Variants in ADGRB3 observed in about 807,000 individuals in gnomAD.
The protein encoded by ADGRB3 is brain-specific angiogenesis inhibitor 3.
Under a neutral mutation model 193.4 loss-of-function variants are expected in ADGRB3, and 37 were observed. That is an observed-to-expected ratio of 0.19 (90% CI 0.15 to 0.25). The LOEUF is 0.25. Ranked by LOEUF, ADGRB3 falls within the 10% of genes least tolerant of loss-of-function variation. The probability of loss-of-function intolerance (pLI) is 1.00; values close to 1 mark genes in which losing one functional copy is unlikely to be tolerated. For synonymous variants in ADGRB3, 690 were observed against 644.2 expected (o/e 1.07, Z -1.08); for missense variants, 1,637 against 1,852.9 (o/e 0.88, Z 2.14).
Position 69,039,290 on chromosome 6 carries a change from A to G in ADGRB3, c.2108-8895A>G, listed in dbSNP as rs1009449107. Among the ~76,000 whole-genome samples the G allele has an allele frequency of 3.3e-5, 5 of 152,060 alleles. No homozygotes were observed. In the East Asian group the frequency reaches 9.6e-4, roughly 29 times the overall value. On this transcript the variant is annotated intron_variant, in intron 13 of 31. Transcript: ENST00000370598. ...ACATATGTTTAGTTTGCTAAGATCT[A>G]TGATAAGAATGAATCTTTTATCCTT... is the stretch of plus-strand genomic sequence containing the variant.
At chr6:69,297,893 A>C (rs1767864107) in intron 20 of ADGRB3, among the ~76,000 whole-genome samples, 1 of 152,016 alleles carries the variant, frequency 6.6e-6, no homozygotes, top group African/African-American at 2.4e-5. Context: ...AGAGAGAAAA[A>C]ACTTGGCCTT....
intron 3 of ADGRB3, among the ~76,000 whole-genome samples, chr6:68,742,871 T>G (rs951810852): frequency 6.6e-6 from 1 of 151,924 alleles, no homozygotes; most frequent in East Asian, 1.9e-4. Context: ...GTAATTTTAA[T>G]ATATTTTTTA....
At chr6:69,190,356 T>TA (rs1318777482) in intron 17 of ADGRB3, among the ~76,000 whole-genome samples, 1 of 151,982 alleles carries the variant, frequency 6.6e-6, no homozygotes, top group African/African-American at 2.4e-5. Context: ...TTTGTGTTTT[T>TA]ATCTTAGTTT....
intron 20 of ADGRB3, among the ~76,000 whole-genome samples, chr6:69,279,980 T>C (rs2127284847): frequency 6.6e-6 from 1 of 152,300 alleles, no homozygotes; most frequent in Non-Finnish European, 1.5e-5. Context: ...TAGTCAGTCA[T>C]AGGCCTCCCA....
At position 69,379,139 on chromosome 6, in the gene ADGRB3, G is replaced by T. The variant is rs754606579; in HGVS notation, c.4276-3692G>T. Reference sequence around the variant, plus strand: ...TCATGCTCTTATCTTTATTGCAAAAGATGCATATAATATTTGACAGCCACC... The same window carrying T: ...TCATGCTCTTATCTTTATTGCAAAATATGCATATAATATTTGACAGCCACC... On this transcript the variant is annotated intron_variant, in intron 30 of 31. Coordinates refer to ENST00000370598, the MANE Select transcript of ADGRB3 (RefSeq NM_001704.3). Among the ~76,000 whole-genome samples the T allele has an allele frequency of 9.7e-4, 147 of 152,052 alleles. 1 individual carries two copies. The highest frequency in any genetic ancestry group is 1.5e-3 in the Admixed American group (23 of 15,230).
chr6:69,333,678 G>A (rs1043326507), intron 24 of ADGRB3, among the ~76,000 whole-genome samples: 23 of 150,916 alleles, frequency 1.5e-4, no homozygotes, highest in Admixed American at 4.0e-4. Flanking sequence ...GGCCGGGCAC[G>A]GTGGCTGACA....
intron 8 of ADGRB3, among the ~76,000 whole-genome samples, chr6:68,970,175 GTACT>G (rs1203910291): frequency 3.9e-5 from 6 of 152,004 alleles, no homozygotes; most frequent in African/African-American, 1.2e-4. Context: ...ATAGCACCCT[GTACT>G]TACTATTTGA....
chr6:69,359,634 A>G (rs1769409881), intron 28 of ADGRB3, among the ~76,000 whole-genome samples: 1 of 151,906 alleles, frequency 6.6e-6, no homozygotes, highest in African/African-American at 2.4e-5. Flanking sequence ...TGCTTTAATG[A>G]ATAATAATTA....
rs1769681226 is a variant in ADGRB3, at chr6:69,370,317, C to T, written c.4240-2089C>T. Among the ~76,000 whole-genome samples, 3 of 152,140 alleles carry T rather than the reference C, an allele frequency of 2.0e-5. No homozygotes were observed. In the South Asian group the frequency reaches 6.2e-4, roughly 31 times the overall value. ...TATTGTGGAAACCTGAATAACTTTACACACATTTTTAACTCACTTGGACTG... is the reference window on the plus strand; with the variant it reads ...TATTGTGGAAACCTGAATAACTTTATACACATTTTTAACTCACTTGGACTG... On this transcript the variant is annotated intron_variant, in intron 29 of 31. Coordinates refer to ENST00000370598, the MANE Select transcript of ADGRB3 (RefSeq NM_001704.3).
At chr6:68,766,843 A>G (rs1372173922) in intron 3 of ADGRB3, among the ~76,000 whole-genome samples, 1 of 152,074 alleles carries the variant, frequency 6.6e-6, no homozygotes, top group East Asian at 1.9e-4. Flanking sequence ...GTATATGATT[A>G]AAAACACAAC....
chr6:68,975,885 A>C (rs1437687879), intron 10 of ADGRB3, among the ~76,000 whole-genome samples: 3 of 152,176 alleles, frequency 2.0e-5, no homozygotes, highest in African/African-American at 7.2e-5. Flanking sequence ...CTTTTCCCAC[A>C]TATCATTGAC....
chr6:68,770,607 T>C (rs1766599595), intron 3 of ADGRB3, among the ~76,000 whole-genome samples: 1 of 152,180 alleles, frequency 6.6e-6, no homozygotes, highest in African/African-American at 2.4e-5. Context: ...ACCTCTTCAT[T>C]GTGTCCTAAA....
chr6:68,976,027 A>C (rs1768737554), intron 10 of ADGRB3, among the ~76,000 whole-genome samples: 1 of 152,234 alleles, frequency 6.6e-6, no homozygotes, highest in Non-Finnish European at 1.5e-5. Context: ...GCCTCCATAC[A>C]TGAATAAACA....
At chr6:68,836,315 T>C (rs530945188) in intron 3 of ADGRB3, among the ~76,000 whole-genome samples, 55 of 151,800 alleles carry the variant, frequency 3.6e-4, no homozygotes, top group African/African-American at 1.3e-3. Flanking sequence ...GAGAGATGCA[T>C]TGGAATGGGT....
intron 3 of ADGRB3, among the ~76,000 whole-genome samples, chr6:68,743,363 G>A (rs369598396): frequency 6.1e-4 from 92 of 150,498 alleles, no homozygotes; most frequent in African/African-American, 1.6e-3. Flanking sequence ...GTGTGTGTGT[G>A]TATATCCAGA....
intron 17 of ADGRB3, among the ~76,000 whole-genome samples, chr6:69,188,449 C>G (rs1315173881): frequency 1.3e-5 from 2 of 152,102 alleles, no homozygotes; most frequent in Non-Finnish European, 2.9e-5. Flanking sequence ...ACTAGGATTA[C>G]AGGCACCCTC....
intron 17 of ADGRB3, among the ~76,000 whole-genome samples, chr6:69,150,535 CATAA>C (rs1455788130): frequency 6.6e-6 from 1 of 152,168 alleles, no homozygotes; most frequent in East Asian, 1.9e-4. Context: ...AGAACAGGTC[CATAA>C]ATTCCATTCA....
chr6:69,232,559 G>A (rs540728440), intron 17 of ADGRB3: 2 of 1,535,708 alleles, frequency 1.3e-6, no homozygotes, highest in South Asian at 1.2e-5. Flanking sequence ...CAAAGAAGCA[G>A]TTGAGGGAAA....
intron 17 of ADGRB3, among the ~76,000 whole-genome samples, chr6:69,231,945 T>C (rs1221338041): frequency 6.6e-6 from 1 of 152,160 alleles, no homozygotes; most frequent in Non-Finnish European, 1.5e-5. Flanking sequence ...AACTTGGAAG[T>C]TCAACTGTCA....
Sources: allele counts gnomAD v4.1 joint callset (sites outside exome capture counted in the v4.1 genomes callset), GRCh38; gene constraint gnomAD v4.1.1; transcripts MANE v1.5; gene names NCBI Gene and HGNC (gene_info 2026-07-23, HGNC 2026-07-21).